MTOR: variants seen among roughly 807,000 people sequenced by gnomAD.
MTOR encodes serine/threonine-protein kinase mTOR.
Under a neutral mutation model 319.8 loss-of-function variants are expected in MTOR, and 70 were observed. That is an observed-to-expected ratio of 0.22 (90% confidence interval 0.18 to 0.27). The LOEUF is 0.27. Among genes scored for constraint, MTOR ranks in the 10% least tolerant of loss-of-function variants. The probability of loss-of-function intolerance (pLI) is 1.00; values close to 1 mark genes in which losing one functional copy is unlikely to be tolerated. For synonymous variants in MTOR, 1,183 were observed against 1,211.4 expected (o/e 0.98, Z 0.49); for missense variants, 1,890 against 3,274.4 (o/e 0.58, Z 10.32).
chr1:11,148,031 A>G (rs1302289547), intron 31 of MTOR, among the ~76,000 whole-genome samples: 1 of 152,210 alleles, frequency 6.6e-6, no homozygotes, highest in African/African-American at 2.4e-5. Flanking sequence ...TCATTATACT[A>G]TAATCTTCAC....
rs371501348 is a variant in MTOR at position 11,140,837 on chromosome 1, G to T, written c.4873-1179C>A. ...GTTGAAGATGACTATCACTGATAAA[G>T]ATATTAAATTTAAAATGTATCATTC... On this transcript the variant is annotated intron_variant, in intron 34 of 57. Transcript: ENST00000361445. Among the ~76,000 whole-genome samples the T allele has an allele frequency of 3.3e-4, 50 of 152,202 alleles. No homozygotes were observed. In the South Asian group the frequency reaches 8.3e-3, roughly 25 times the overall value.
intron 4 of MTOR, 47 bp from the exon 5 acceptor site, chr1:11,256,239 G>C (rs780748784): frequency 1.3e-6 from 2 of 1,577,980 alleles, no homozygotes; most frequent in Non-Finnish European, 1.7e-6. Context: ...CCAGAGTTTT[G>C]TTCTCTCAGG....
At chr1:11,180,753 G>T (rs1304815831) in intron 28 of MTOR, among the ~76,000 whole-genome samples, 1 of 152,020 alleles carries the variant, frequency 6.6e-6, no homozygotes, top group Non-Finnish European at 1.5e-5. Flanking sequence ...TAAAATATGG[G>T]GACTACAGCT....
chr1:11,131,331 G>C (rs1570950519), intron 38 of MTOR: 1 of 158,454 alleles, frequency 6.3e-6, no homozygotes, highest in African/African-American at 2.4e-5. Context: ...CGAGGAGTGA[G>C]AGCGAGGCCA....
chr1:11,107,641 C>G, intron 57 of MTOR, 141 bp from the exon 58 acceptor site: 1 of 848,630 alleles, frequency 1.2e-6, no homozygotes, highest in South Asian at 1.9e-5. Context: ...TTGCATGGGA[C>G]ACACTCATCA....
chr1:11,244,060 A>T (rs1414595862), intron 8 of MTOR, among the ~76,000 whole-genome samples: 1 of 151,962 alleles, frequency 6.6e-6, no homozygotes, highest in East Asian at 1.9e-4. Context: ...TGGGACACCA[A>T]GGCAGGAGGA....
intron 8 of MTOR, among the ~76,000 whole-genome samples, chr1:11,246,631 G>A (rs991850503): frequency 2.6e-5 from 4 of 152,194 alleles, no homozygotes; most frequent in African/African-American, 9.6e-5. Context: ...GTGAGTCTGT[G>A]TGCTAGGGAA....
In MTOR at chr1:11,164,852, A is replaced by G. The variant is rs141529923; in HGVS notation, c.4329+2590T>C. On this transcript the variant is annotated intron_variant, in intron 29 of 57. Coordinates refer to ENST00000361445, the MANE Select transcript of MTOR (RefSeq NM_004958.4). ...GAACATTGATGCAAAAATCCTCAAT[A>G]AAATACTGGCAAACTGAATCCAGCA... 1.7e-3 allele frequency among the ~76,000 whole-genome samples: 263 copies of G among 152,356 alleles called. 1 individual carries two copies. Among genetic ancestry groups the G allele is most frequent in the African/African-American group, 6.2e-3 (259 of 41,582 alleles).
chr1:11,130,544 C>T lies in MTOR; in HGVS notation c.5598G>A (p.Gln1866=), dbSNP rs762148696. ...TENSPTPSPL[Q]KKVTEDLSKT... Reference sequence around the variant, plus strand: ...GGAAGGGTACCTCAGTGACCTTCTTCTGCAGCGGCGATGGGGTGGGGCTGT... The same window carrying T: ...GGAAGGGTACCTCAGTGACCTTCTTTTGCAGCGGCGATGGGGTGGGGCTGT... Residue 1866 remains glutamine, a synonymous_variant, in exon 39 of 58, where the codon CAG becomes CAA. Transcript: ENST00000361445. 1.2e-6 allele frequency: 2 copies of T among 1,613,084 alleles called. No homozygotes were observed. Among genetic ancestry groups the T allele is most frequent in the African/African-American group, 2.7e-5 (2 of 74,828 alleles).
At chr1:11,216,890 C>T (rs964954900) in intron 19 of MTOR, among the ~76,000 whole-genome samples, 9 of 152,074 alleles carry the variant, frequency 5.9e-5, no homozygotes, top group South Asian at 2.1e-4. Context: ...AGAACAGGGA[C>T]GTGAATACTA....
At chr1:11,247,547 G>T in intron 8 of MTOR, 78 bp downstream of exon 8, 5 of 1,285,596 alleles carry the variant, frequency 3.9e-6, no homozygotes, top group Non-Finnish European at 5.6e-6. Flanking sequence ...CAAAGGAAAA[G>T]ATATTTGGCT....
intron 5 of MTOR, among the ~76,000 whole-genome samples, chr1:11,255,382 C>CAAAAAAAAA (rs56328160): frequency 6.1e-5 from 6 of 98,236 alleles, no homozygotes; most frequent in African/African-American, 2.5e-4. Context: ...ACTCCATCTC[C>CAAAAAAAAA]AAAAAAAAAA....
At chr1:11,204,283 A>G (rs543654558) in intron 26 of MTOR, among the ~76,000 whole-genome samples, 1 of 152,366 alleles carries the variant, frequency 6.6e-6, no homozygotes, top group South Asian at 2.1e-4. Context: ...AATAGGTTAC[A>G]TTCAACTATT....
In MTOR at chr1:11,134,369, A is replaced by C; in HGVS notation, c.5228T>G (p.Leu1743Arg). The change falls in exon 37 of 58, where the codon CTG (leucine) becomes CGG (arginine). Residue 1743 changes from leucine to arginine, a missense_variant. Transcript: ENST00000361445. ...ATEDQQHKQE[L>R]HKLMARCFLK... The stretch of plus-strand genomic sequence containing the variant: ...ACCTCACCGGGCCATGAGCTTGTGC[A>C]GTTCCTGCTTATGCTGCTGGTCCTC... 6.2e-7 allele frequency: 1 copy of C among 1,614,116 alleles called. No homozygotes were observed. Among genetic ancestry groups the C allele is most frequent in the Non-Finnish European group, 8.5e-7 (1 of 1,180,006 alleles).
intron 32 of MTOR, 139 bp downstream of exon 32, chr1:11,146,537 C>A: frequency 1.5e-6 from 1 of 673,278 alleles, no homozygotes; most frequent in Non-Finnish European, 2.7e-6. Context: ...TACAATGAAT[C>A]AAAACCATTC....
intron 1 of MTOR, among the ~76,000 whole-genome samples, chr1:11,260,191 C>A (rs1650935686): frequency 6.6e-6 from 1 of 152,198 alleles, no homozygotes; most frequent in Non-Finnish European, 1.5e-5. Flanking sequence ...ACTAAGACTG[C>A]CCCTTTCCTC....
At chr1:11,215,155 T>C (rs1428479802) in intron 20 of MTOR, among the ~76,000 whole-genome samples, 1 of 152,208 alleles carries the variant, frequency 6.6e-6, no homozygotes, top group Non-Finnish European at 1.5e-5. Flanking sequence ...ATGGTCATAT[T>C]GTATCCTTGT....
rs2100477489 is a variant in MTOR, at chr1:11,139,399, C to A, written c.5035G>T (p.Val1679Phe). Residue 1679 changes from valine to phenylalanine, a missense_variant, in exon 36 of 58, where the codon GTT (valine) becomes TTT (phenylalanine). Physicochemically the swap from Val to Phe is conservative, Grantham distance 50 (BLOSUM62 -1). This residue lies in a region of MTOR where 276 missense variants were observed against 459.4 expected (regional missense o/e 0.60). Coordinates refer to ENST00000361445, the MANE Select transcript of MTOR (RefSeq NM_004958.4). The stretch of plus-strand genomic sequence containing the variant: ...TGGTCAAGTTGCCGAGACGGATCAA[C>A]TCCCAGGAGCAACACTAAAGTTTTA... ...AHKTLVLLLG[V>F]DPSRQLDHPL... 6.2e-7 allele frequency: 1 copy of A among 1,614,014 alleles called. No homozygotes were observed. Among genetic ancestry groups the A allele is most frequent in the Non-Finnish European group, 8.5e-7 (1 of 1,180,002 alleles).
intron 31 of MTOR, among the ~76,000 whole-genome samples, chr1:11,147,110 G>T (rs1643956711): frequency 6.6e-6 from 1 of 152,192 alleles, no homozygotes; most frequent in African/African-American, 2.4e-5. Context: ...CATTATCCTA[G>T]AGAACTCTCT....
Sources: allele counts gnomAD v4.1 joint callset (sites outside exome capture counted in the v4.1 genomes callset), GRCh38; gene constraint gnomAD v4.1.1; regional missense constraint gnomAD v4.1.1; transcripts MANE v1.5; gene names NCBI Gene and HGNC (gene_info 2026-07-23, HGNC 2026-07-21).